Variants in LIPC observed in about 807,000 individuals in gnomAD.
LIPC encodes the protein hepatic triacylglycerol lipase.
Under a neutral mutation model 50.7 loss-of-function variants are expected in LIPC, and 44 were observed. The ratio of observed to expected loss-of-function variants is 0.87; its 90% CI spans 0.68 to 1.11. The LOEUF is 1.11. Ranked by LOEUF, LIPC falls within the 50% of genes most tolerant of loss-of-function variation. LIPC has a pLI of 0.00. For missense variants in LIPC, 697 were observed against 648.2 expected (o/e 1.08, Z -0.82); for synonymous variants, 271 against 256.4 (o/e 1.06, Z -0.54).
intron 1 of LIPC, among the ~76,000 whole-genome samples, chr15:58,490,491 C>A (rs1891549449): frequency 6.6e-6 from 1 of 152,162 alleles, no homozygotes; most frequent in African/African-American, 2.4e-5. Flanking sequence ...AGAGCCGGCG[C>A]CGTTCGCGGG....
Position 58,548,340 on chromosome 15 carries a change from GAC to G in LIPC, c.820_821del (p.Thr274HisfsTer30). 6.2e-7 allele frequency: 1 copy of G among 1,614,096 alleles called. No individual in the cohort carries two copies. Among genetic ancestry groups the G allele is most frequent in the Non-Finnish European group, 8.5e-7 (1 of 1,180,030 alleles). ...TGCCCTGTGTTCCAGCCATCACCCA[GAC>G]CATAAAATGCTCCCACGAGCGATCG... ...AQHGFNAITQ[T>X]IKCSHERSVH... On this transcript the variant is annotated frameshift_variant, in exon 6 of 9. Coordinates refer to ENST00000299022, the MANE Select transcript of LIPC (RefSeq NM_000236.3). LOFTEE classifies it high-confidence loss of function.
intron 2 of LIPC, 29 bp from the exon 3 acceptor site, chr15:58,541,756 G>C (rs377330752): frequency 5.0e-6 from 8 of 1,608,398 alleles, no homozygotes; most frequent in African/African-American, 1.3e-5. Flanking sequence ...AAGGAAACTA[G>C]TGCGACCCTC....
chr15:58,489,728 T>TTGCCTATA (rs138477415), intron 1 of LIPC, among the ~76,000 whole-genome samples: 2,472 of 152,294 alleles, frequency 0.016, 70 homozygotes, highest in African/African-American at 0.056. Context: ...GATAGAAAAT[T>TTGCCTATA]TGCCTATATC....
At chr15:58,527,126 AG>A (rs1250936398) in intron 1 of LIPC, among the ~76,000 whole-genome samples, 1 of 152,234 alleles carries the variant, frequency 6.6e-6, no homozygotes, top group Non-Finnish European at 1.5e-5. Flanking sequence ...AGAATATCTT[AG>A]GGGAAATAGT....
At chr15:58,461,797 T>C (rs2140710025) in intron 1 of LIPC, among the ~76,000 whole-genome samples, 1 of 152,216 alleles carries the variant, frequency 6.6e-6, no homozygotes, top group Middle Eastern at 3.4e-3. Flanking sequence ...TCCAGACCTC[T>C]GCCTTTCACA....
intron 1 of LIPC, among the ~76,000 whole-genome samples, chr15:58,458,172 G>A (rs79394054): frequency 6.7e-6 from 1 of 149,854 alleles, no homozygotes; most frequent in African/African-American, 2.5e-5. Flanking sequence ...AATTGCTGGA[G>A]AAAAAAAAAA....
intron 4 of LIPC, among the ~76,000 whole-genome samples, chr15:58,544,692 C>T (rs543761726): frequency 5.4e-4 from 82 of 152,302 alleles, no homozygotes; most frequent in African/African-American, 1.5e-3. Flanking sequence ...CCACCGCACC[C>T]GGCCAAGGAC....
chr15:58,478,758 T>G (rs1891087407), intron 1 of LIPC, among the ~76,000 whole-genome samples: 1 of 152,238 alleles, frequency 6.6e-6, no homozygotes. Context: ...TTGTAACATT[T>G]ACAGAACTAT....
intron 2 of LIPC, among the ~76,000 whole-genome samples, chr15:58,540,400 C>A (rs79783761): frequency 0.06 from 9,077 of 150,982 alleles, 384 homozygotes; most frequent in Non-Finnish European, 0.082. Context: ...TCATAACAAT[C>A]CTGGAAGGAG....
chr15:58,486,751 G>T (rs1195835985), intron 1 of LIPC, among the ~76,000 whole-genome samples: 1 of 152,192 alleles, frequency 6.6e-6, no homozygotes, highest in Non-Finnish European at 1.5e-5. Flanking sequence ...CCAAAGAACT[G>T]GTTTTGCTTG....
chr15:58,470,018 G>C (rs1161637305), intron 1 of LIPC, among the ~76,000 whole-genome samples: 1 of 143,956 alleles, frequency 6.9e-6, no homozygotes, highest in Non-Finnish European at 1.5e-5. Flanking sequence ...CTGCAGTCTT[G>C]ACCTCCCAGG....
chr15:58,459,094 T>C (rs1213426924), intron 1 of LIPC, among the ~76,000 whole-genome samples: 7 of 152,226 alleles, frequency 4.6e-5, no homozygotes, highest in Non-Finnish European at 4.4e-5. Flanking sequence ...TCATGCCTCC[T>C]ATTTTTTTAG....
At chr15:58,553,937 G>C (rs748085232) in intron 6 of LIPC, among the ~76,000 whole-genome samples, 3 of 151,660 alleles carry the variant, frequency 2.0e-5, no homozygotes, top group Non-Finnish European at 4.4e-5. Flanking sequence ...TCTGGGCTTG[G>C]AGAAAACACA....
At position 58,563,699 on chromosome 15, in the gene LIPC, T is replaced by C. The variant is rs758032989; in HGVS notation, c.1364T>C (p.Val455Ala). 2.5e-6 allele frequency: 4 copies of C among 1,613,228 alleles called. No individual in the cohort carries two copies. The highest frequency in any genetic ancestry group is 3.4e-6 in the Non-Finnish European group (4 of 1,179,984). Residue 455 changes from valine (V) to alanine (A), a missense_variant, in exon 8 of 9, where the codon GTC becomes GCC. Coordinates refer to ENST00000299022, the MANE Select transcript of LIPC (RefSeq NM_000236.3). ...HSGLVLKTIRVKAGETQQRMT... is the reference protein window; with the variant it reads ...HSGLVLKTIRAKAGETQQRMT... ...GGCCTCGTTCTGAAGACGATCAGAG[T>C]CAAAGCAGGAGAAACCCAGCAAAGG...
intron 1 of LIPC, among the ~76,000 whole-genome samples, chr15:58,485,311 C>T (rs1891334972): frequency 6.6e-6 from 1 of 152,142 alleles, no homozygotes; most frequent in African/African-American, 2.4e-5. Flanking sequence ...ACATGTTATG[C>T]TGCATGTTTG....
intron 7 of LIPC, among the ~76,000 whole-genome samples, chr15:58,562,987 G>T (rs1478383555): frequency 6.6e-6 from 1 of 152,214 alleles, no homozygotes; most frequent in African/African-American, 2.4e-5. Flanking sequence ...ATACCTCAGA[G>T]TCTGCATTTA....
intron 1 of LIPC, chr15:58,436,640 T>C (rs1245010834): frequency 2.3e-6 from 1 of 439,666 alleles, no homozygotes; most frequent in Non-Finnish European, 4.6e-6. Flanking sequence ...GTCAAATACA[T>C]GAGGTATACC....
chr15:58,454,981 T>C (rs1431058241), intron 1 of LIPC: 1 of 152,288 alleles, frequency 6.6e-6, no homozygotes, highest in African/African-American at 2.4e-5. Context: ...GTTCTCATTT[T>C]ACTATTGTCT....
At chr15:58,503,740 CCAGAGACAGGGCA>C (rs1252073779) in intron 1 of LIPC, among the ~76,000 whole-genome samples, 1 of 152,180 alleles carries the variant, frequency 6.6e-6, no homozygotes, top group East Asian at 1.9e-4. Flanking sequence ...CCTGCACCTG[CCAGAGACAGGGCA>C]CAGAGCAAGT....
Sources: gnomAD v4.1 joint callset for allele counts (sites outside exome capture counted in the v4.1 genomes callset) on GRCh38, gnomAD v4.1.1 for gene constraint, MANE v1.5 for transcripts, NCBI Gene and HGNC (gene_info 2026-07-23, HGNC 2026-07-21) for gene names.